Variants in TYR observed in about 807,000 individuals in gnomAD.
TYR encodes the protein LB24-AB.
TYR carries 58 observed loss-of-function variants against 51.5 expected under a neutral mutation model. That is an observed-to-expected ratio of 1.13 (90% CI 0.91 to 1.40). TYR has a LOEUF of 1.40. TYR is among the 40% of genes most tolerant of loss of function. The pLI is 0.00. For missense variants in TYR, 732 were observed against 647.4 expected, an observed-to-expected ratio of 1.13 and a Z score of -1.42; for synonymous variants, 263 against 235.2, an observed-to-expected ratio of 1.12 and a Z score of -1.08.
intron 2 of TYR, among the ~76,000 whole-genome samples, chr11:89,194,279 A>C (rs746903953): frequency 2.6e-5 from 4 of 152,070 alleles, no homozygotes; most frequent in Non-Finnish European, 5.9e-5. Context: ...GAGTGTATCT[A>C]ATATTTCTTC....
chr11:89,285,588 A>G (rs1257065335), intron 4 of TYR, among the ~76,000 whole-genome samples: 1 of 151,846 alleles, frequency 6.6e-6, no homozygotes, highest in Non-Finnish European at 1.5e-5. Flanking sequence ...CCATGTCAGT[A>G]TCTTCTTGAC....
At chr11:89,220,015 T>C (rs1407608972) in intron 2 of TYR, among the ~76,000 whole-genome samples, 1 of 152,188 alleles carries the variant, frequency 6.6e-6, no homozygotes, top group Non-Finnish European at 1.5e-5. Context: ...ACTGAAAGAA[T>C]GTAACAGAAT....
intron 3 of TYR, among the ~76,000 whole-genome samples, chr11:89,236,090 T>G (rs773119267): frequency 1.4e-4 from 21 of 152,132 alleles, no homozygotes; most frequent in Non-Finnish European, 1.9e-4. Flanking sequence ...CAATGGATGC[T>G]TTCGGGCTAC....
intron 2 of TYR, among the ~76,000 whole-genome samples, chr11:89,192,662 G>C (rs926854745): frequency 1.3e-5 from 2 of 152,024 alleles, no homozygotes; most frequent in Non-Finnish European, 2.9e-5. Flanking sequence ...TCCTAAAGAT[G>C]AATTCTGTTT....
intron 1 of TYR, among the ~76,000 whole-genome samples, chr11:89,179,603 A>C (rs550201347): frequency 6.6e-6 from 1 of 152,278 alleles, no homozygotes; most frequent in African/African-American, 2.4e-5. Flanking sequence ...TGACCACTGT[A>C]TCCTATTTCC....
chr11:89,221,447 T>C (rs896902363), intron 2 of TYR, among the ~76,000 whole-genome samples: 1 of 152,248 alleles, frequency 6.6e-6, no homozygotes, highest in Non-Finnish European at 1.5e-5. Context: ...GCTAGCACTT[T>C]GAGCAAACTG....
chr11:89,196,885 G>A (rs551208457), intron 2 of TYR, among the ~76,000 whole-genome samples: 1 of 152,160 alleles, frequency 6.6e-6, no homozygotes, highest in Non-Finnish European at 1.5e-5. Context: ...CCATGAACCT[G>A]GTATTATGGT....
At chr11:89,253,158 T>A (rs1944349448) in intron 3 of TYR, among the ~76,000 whole-genome samples, 1 of 151,778 alleles carries the variant, frequency 6.6e-6, no homozygotes, top group African/African-American at 2.4e-5. Flanking sequence ...CAATGAAAGA[T>A]CCTTTCACTT....
intron 3 of TYR, among the ~76,000 whole-genome samples, chr11:89,262,067 T>A (rs1159525605): frequency 6.6e-6 from 1 of 151,108 alleles, no homozygotes; most frequent in Non-Finnish European, 1.5e-5. Context: ...AGATTTTTTA[T>A]TTTTTTTTGA....
Position 89,191,269 on chromosome 11 carries a change from C to G in TYR, c.887C>G (p.Pro296Arg). The change falls in exon 2 of 5, where the codon CCT becomes CGT. Residue 296 changes from proline (P) to arginine (R), a missense_variant. Physicochemically the swap from Pro to Arg is moderately radical, Grantham distance 103 (BLOSUM62 -2). Coordinates refer to ENST00000263321, the MANE Select transcript of TYR (RefSeq NM_000372.5). ...QSLCNGTPEGPLRRNPGNHDK... is the reference protein window; with the variant it reads ...QSLCNGTPEGRLRRNPGNHDK... ...TTATGCAATGGAACGCCCGAGGGACCTTTACGGCGTAATCCTGGAAACCAT... is the reference window on the plus strand; with the variant it reads ...TTATGCAATGGAACGCCCGAGGGACGTTTACGGCGTAATCCTGGAAACCAT... 1 of 1,613,602 alleles carries G rather than the reference C, an allele frequency of 6.2e-7. No homozygotes were observed. Among genetic ancestry groups the G allele is most frequent in the Non-Finnish European group, 8.5e-7 (1 of 1,179,754 alleles).
At chr11:89,188,521 A>T (rs1943404614) in intron 1 of TYR, among the ~76,000 whole-genome samples, 1 of 152,036 alleles carries the variant, frequency 6.6e-6, no homozygotes, top group Admixed American at 6.6e-5. Context: ...GTAGGGAGAG[A>T]TGATTCTGAT....
intron 3 of TYR, among the ~76,000 whole-genome samples, chr11:89,269,032 C>G (rs536568456): frequency 1.3e-5 from 2 of 152,030 alleles, no homozygotes; most frequent in African/African-American, 4.8e-5. Flanking sequence ...TACCTTAACA[C>G]TTTTTGTATG....
chr11:89,228,995 C>A (rs535990663), intron 3 of TYR, among the ~76,000 whole-genome samples: 1 of 151,916 alleles, frequency 6.6e-6, no homozygotes, highest in African/African-American at 2.4e-5. Flanking sequence ...CAGATTTATA[C>A]CTGCCATTAA....
rs572405809 is a variant in TYR at position 89,187,056 on chromosome 11, A to G, written c.820-4146A>G. Among the ~76,000 whole-genome samples the G allele has an allele frequency of 2.0e-5, 3 of 152,262 alleles. No individual in the cohort carries two copies. The South Asian group carries it at 6.2e-4, about 32-fold the overall frequency. ...GCCACCCAGTCTGTAGTATTTTCTT[A>G]TGGCAGCCTGAACTAATCTACCCAC... On this transcript the variant is annotated intron_variant, in intron 1 of 4. Transcript: ENST00000263321.
chr11:89,179,116 ATC>A (rs1354647515), intron 1 of TYR, among the ~76,000 whole-genome samples: 3 of 152,186 alleles, frequency 2.0e-5, no homozygotes, highest in Non-Finnish European at 4.4e-5. Context: ...ATGAATGAAT[ATC>A]TGGATGATTA....
intron 2 of TYR, among the ~76,000 whole-genome samples, chr11:89,212,397 A>T (rs1391452629): frequency 6.6e-6 from 1 of 152,216 alleles, no homozygotes; most frequent in Admixed American, 6.5e-5. Flanking sequence ...GAAGAAGTTG[A>T]ATCTCTGAAT....
chr11:89,263,426 A>C (rs1416672809), intron 3 of TYR, among the ~76,000 whole-genome samples: 1 of 151,992 alleles, frequency 6.6e-6, no homozygotes, highest in Non-Finnish European at 1.5e-5. Flanking sequence ...GAAAAAAAAA[A>C]CTCAAATAAT....
chr11:89,264,728 A>C (rs58429491), intron 3 of TYR, among the ~76,000 whole-genome samples: 13,204 of 147,430 alleles, frequency 0.09, 794 homozygotes, highest in African/African-American at 0.17. Context: ...GTGGAATACT[A>C]TGCAGCCAAA....
intron 2 of TYR, among the ~76,000 whole-genome samples, chr11:89,227,400 A>G (rs1336938518): frequency 6.6e-6 from 1 of 152,190 alleles, no homozygotes; most frequent in Admixed American, 6.6e-5. Flanking sequence ...AACCAAACTT[A>G]AAGTGTTCTC....
Sources: allele counts gnomAD v4.1 joint callset (sites outside exome capture counted in the v4.1 genomes callset), GRCh38; gene constraint gnomAD v4.1.1; transcripts MANE v1.5; gene names NCBI Gene and HGNC (gene_info 2026-07-23, HGNC 2026-07-21).